The following CTPS2 variants were observed in gnomAD, a reference collection of about 807,000 sequenced individuals.
The protein encoded by CTPS2 is CTP synthase 2, also known as CTP synthase II.
A neutral mutation model predicts 46.8 loss-of-function variants in CTPS2; 19 were observed. The observed-to-expected ratio is 0.41, with a 90% CI of 0.28 to 0.60. The LOEUF (loss-of-function observed/expected upper bound fraction) is 0.60. Ranked by LOEUF, CTPS2 falls within the 20% of genes least tolerant of loss-of-function variation. The pLI is 0.35. For synonymous variants in CTPS2, 151 were observed against 165.2 expected (o/e 0.91, Z 0.66); for missense variants, 286 against 447.6 (o/e 0.64, Z 3.26).
At chrX:16,659,402 G>A (rs927400799) in intron 13 of CTPS2, among the ~76,000 whole-genome samples, 1 of 110,779 alleles carries the variant, frequency 9.0e-6, no homozygotes, top group African/African-American at 3.3e-5. Flanking sequence ...TGCAGGAAAG[G>A]GGCAGCAGTG....
chrX:16,647,619 GC>G (rs1196050411), intron 13 of CTPS2, among the ~76,000 whole-genome samples: 5 of 110,296 alleles, frequency 4.5e-5, no homozygotes, highest in African/African-American at 6.6e-5. Context: ...GAGATTTGTA[GC>G]CTAGAAGACT....
At chrX:16,629,945 A>C (rs760883393) in intron 14 of CTPS2, among the ~76,000 whole-genome samples, 2 of 112,123 alleles carry the variant, frequency 1.8e-5, no homozygotes, top group Non-Finnish European at 3.8e-5. Flanking sequence ...AATGCAGAGA[A>C]GGTCCCTGAA....
At chrX:16,662,910 G>A (rs1009773356) in intron 13 of CTPS2, among the ~76,000 whole-genome samples, 3 of 111,151 alleles carry the variant, frequency 2.7e-5, no homozygotes, top group African/African-American at 9.8e-5. Flanking sequence ...ATCTATCCCT[G>A]CAGATGTGTT....
chrX:16,668,272 G>A (rs1921365650), intron 11 of CTPS2, among the ~76,000 whole-genome samples: 1 of 107,668 alleles, frequency 9.3e-6, no homozygotes, highest in Admixed American at 1.0e-4. Context: ...AGAGAAGAAA[G>A]AGAGAAAGAG....
chrX:16,604,704 GCAAA>G (rs1476529433), intron 17 of CTPS2, among the ~76,000 whole-genome samples: 2 of 110,880 alleles, frequency 1.8e-5, no homozygotes, highest in Admixed American at 9.6e-5. Context: ...ATTTAAACAA[GCAAA>G]CAAACAAAGA....
At chrX:16,672,695 G>A (rs1056242684) in intron 10 of CTPS2, among the ~76,000 whole-genome samples, 1 of 110,849 alleles carries the variant, frequency 9.0e-6, no homozygotes, top group Non-Finnish European at 1.9e-5. Context: ...AGCCAGCCGG[G>A]TCACTAGGGC....
At position 16,688,145 on chromosome X, in the gene CTPS2, C is replaced by T. The variant is rs186578338; in HGVS notation, c.872+1305G>A. Among the ~76,000 whole-genome samples the T allele has an allele frequency of 3.2e-3, 356 of 111,604 alleles. 1 individual carries two copies. Among genetic ancestry groups the T allele is most frequent in the Non-Finnish European group, 5.1e-3 (269 of 53,105 alleles). On this transcript the variant is annotated intron_variant, in intron 8 of 18. Coordinates refer to ENST00000359276, the MANE Select transcript of CTPS2 (RefSeq NM_175859.3). The stretch of plus-strand genomic sequence containing the variant: ...GGGCGCGGTGGCTCACACCTGTAAC[C>T]CCAGCACTTTGGGAGGCCTAGACAG...
intron 14 of CTPS2, among the ~76,000 whole-genome samples, chrX:16,631,249 G>A (rs1324175173): frequency 1.8e-5 from 2 of 110,804 alleles, no homozygotes; most frequent in African/African-American, 3.3e-5. Flanking sequence ...TCGGGTGGCT[G>A]AGATAGGAGA....
chrX:16,689,750 T>TGGTTGTAGTGAGCCA, intron 7 of CTPS2, 149 bp from the exon 8 acceptor site: 1 of 469,566 alleles, frequency 2.1e-6, no homozygotes, highest in Middle Eastern at 5.8e-4. Flanking sequence ...CAACCAAAGC[T>TGGTTGTAGTGAGCCA]AGCATCAGAA....
intron 16 of CTPS2, among the ~76,000 whole-genome samples, chrX:16,612,224 T>A (rs891647874): frequency 4.4e-5 from 5 of 112,442 alleles, no homozygotes; most frequent in Non-Finnish European, 7.5e-5. Flanking sequence ...TCTGACATTA[T>A]ATAATATTAA....
chrX:16,700,569 G>GA (rs1338771726), intron 2 of CTPS2, among the ~76,000 whole-genome samples: 26 of 99,893 alleles, frequency 2.6e-4, no homozygotes, highest in African/African-American at 4.7e-4. Context: ...CTCAAAAAAA[G>GA]AAAAAAAAAA....
At chrX:16,653,256 CA>C (rs1204811144) in intron 13 of CTPS2, among the ~76,000 whole-genome samples, 1 of 110,877 alleles carries the variant, frequency 9.0e-6, no homozygotes, top group Admixed American at 9.7e-5. Context: ...ATGGTAGAGA[CA>C]AAAATTAACT....
At chrX:16,689,371 T>A (rs140417228) in intron 8 of CTPS2, 79 bp downstream of exon 8, 1 of 1,026,744 alleles carries the variant, frequency 9.7e-7, no homozygotes, top group African/African-American at 1.9e-5. Context: ...TACACACGCT[T>A]ACCCTTTCAA....
chrX:16,687,474 C>CAAAAAAAAA (rs35798035), intron 8 of CTPS2, among the ~76,000 whole-genome samples: 7 of 44,279 alleles, frequency 1.6e-4, no homozygotes, highest in South Asian at 1.6e-3. Flanking sequence ...CACCCTGTGT[C>CAAAAAAAAA]AAAAAAAAAA....
intron 17 of CTPS2, among the ~76,000 whole-genome samples, chrX:16,607,271 G>A (rs1930028847): frequency 8.9e-6 from 1 of 112,911 alleles, no homozygotes; most frequent in South Asian, 3.6e-4. Flanking sequence ...ATTGTAAAAC[G>A]GCTGCAAAGG....
intron 1 of CTPS2, among the ~76,000 whole-genome samples, chrX:16,708,790 A>G (rs962877153): frequency 1.6e-4 from 18 of 111,988 alleles, no homozygotes; most frequent in African/African-American, 5.2e-4. Context: ...CCGTAGAGGT[A>G]TGGTGAAGAA....
intron 16 of CTPS2, among the ~76,000 whole-genome samples, chrX:16,612,892 G>A (rs1461943512): frequency 8.9e-6 from 1 of 112,092 alleles, no homozygotes; most frequent in Non-Finnish European, 1.9e-5. Context: ...TGCTTTGTTA[G>A]TTACATAAGG....
intron 13 of CTPS2, among the ~76,000 whole-genome samples, chrX:16,659,475 A>C (rs998606726): frequency 6.3e-5 from 7 of 111,108 alleles, no homozygotes; most frequent in Non-Finnish European, 1.1e-4. Context: ...AAGGCTGTTT[A>C]AAGAATGTGT....
chrX:16,618,967 C>G (rs904603499), intron 15 of CTPS2, among the ~76,000 whole-genome samples: 4 of 111,804 alleles, frequency 3.6e-5, no homozygotes, highest in African/African-American at 1.3e-4. Flanking sequence ...ATACCAGATG[C>G]AAAATAGGTG....
Sources: allele counts gnomAD v4.1 joint callset (sites outside exome capture counted in the v4.1 genomes callset), GRCh38; gene constraint gnomAD v4.1.1; transcripts MANE v1.5; gene names NCBI Gene and HGNC (gene_info 2026-07-23, HGNC 2026-07-21).